STARD9: variants seen among roughly 807,000 people sequenced by gnomAD.
STARD9 encodes StAR related lipid transfer domain containing 9, also known as stAR-related lipid transfer protein 9.
Under a neutral mutation model 399.8 loss-of-function variants are expected in STARD9, and 346 were observed. That is an observed-to-expected ratio of 0.87 (90% confidence interval 0.79 to 0.95). The LOEUF is 0.95. Among genes scored for constraint, STARD9 ranks in the 40% least tolerant of loss-of-function variants. STARD9 has a pLI of 0.00. For synonymous variants in STARD9, 2,203 were observed against 2,143.5 expected (o/e 1.03, Z -0.77); for missense variants, 5,832 against 5,667.5 (o/e 1.03, Z -0.93).
At chr15:42,702,400 C>T (rs975058099) in intron 26 of STARD9, among the ~76,000 whole-genome samples, 5 of 152,020 alleles carry the variant, frequency 3.3e-5, no homozygotes, top group South Asian at 2.1e-4. Flanking sequence ...GACGGGGTTT[C>T]GCTATGTTGG....
intron 7 of STARD9, among the ~76,000 whole-genome samples, chr15:42,645,627 G>A (rs149407441): frequency 0.022 from 3,397 of 151,086 alleles, 72 homozygotes; most frequent in South Asian, 0.036. Context: ...GTGCAGTGGC[G>A]TGATCACAGC....
chr15:42,648,632 C>T (rs2059692922), intron 7 of STARD9, among the ~76,000 whole-genome samples: 1 of 152,106 alleles, frequency 6.6e-6, no homozygotes, highest in Non-Finnish European at 1.5e-5. Flanking sequence ...TGTCTTTGAA[C>T]AGTTTATTAT....
intron 32 of STARD9, 95 bp downstream of exon 32, chr15:42,719,005 TGCCCAG>T: frequency 8.5e-7 from 1 of 1,176,722 alleles, no homozygotes; most frequent in Non-Finnish European, 1.2e-6. Flanking sequence ...CACCCTCCAG[TGCCCAG>T]GCCCTTTGGC....
intron 15 of STARD9, among the ~76,000 whole-genome samples, chr15:42,667,450 T>C (rs1274199731): frequency 1.3e-5 from 2 of 151,990 alleles, no homozygotes; most frequent in Middle Eastern, 3.4e-3. Context: ...CTCAAAGTGC[T>C]GGGATTACAG....
chr15:42,676,368 T>G (rs2060312221), intron 20 of STARD9, among the ~76,000 whole-genome samples: 1 of 152,186 alleles, frequency 6.6e-6, no homozygotes, highest in Non-Finnish European at 1.5e-5. Flanking sequence ...TCATAGTATA[T>G]GTCACGTAGT....
intron 7 of STARD9, among the ~76,000 whole-genome samples, chr15:42,643,887 C>G (rs1415536579): frequency 6.6e-6 from 1 of 152,114 alleles, no homozygotes; most frequent in Non-Finnish European, 1.5e-5. Flanking sequence ...AATATGATTT[C>G]TTTTGACTCA....
At position 42,620,727 on chromosome 15, in the gene STARD9, CTTTTATTTTA is replaced by C. The variant is rs71108173; in HGVS notation, c.235-14094_235-14085del. Reference sequence around the variant, plus strand: ...AGGCCAATTATTTTGTAGAATGTCCCTTTTATTTTATTTTATTTTATTTTATTTTATTTTA... The same window carrying C: ...AGGCCAATTATTTTGTAGAATGTCCCTTTTATTTTATTTTATTTTATTTTA... On this transcript the variant is annotated intron_variant, in intron 3 of 32. Coordinates refer to ENST00000290607, the MANE Select transcript of STARD9 (RefSeq NM_020759.3). Among the ~76,000 whole-genome samples the C allele has an allele frequency of 7.1e-3, 1,013 of 142,588 alleles. 1 individual carries two copies. Among genetic ancestry groups the C allele is most frequent in the Middle Eastern group, 0.014 (4 of 284 alleles). 93.5% of individuals were successfully genotyped at this position (142,588 alleles called of 152,430 possible). A position where few individuals can be genotyped will look rare whatever the true frequency, so the allele number is the denominator to read the frequency against.
intron 1 of STARD9, among the ~76,000 whole-genome samples, chr15:42,582,116 G>T (rs921542775): frequency 1.2e-4 from 19 of 152,198 alleles, no homozygotes; most frequent in African/African-American, 4.1e-4. Flanking sequence ...CCCAGCCTGG[G>T]CAGCAGAGTG....
Position 42,691,115 on chromosome 15 carries a change from T to A in STARD9, c.9537T>A (p.Thr3179=). ...RCFLEKPQFS[T]ELRDHNRLDS... ...TTTTGGAAAAGCCACAATTTTCCACTGAGTTGAGGGATCACAATCGCTTGG... is the reference window on the plus strand; with the variant it reads ...TTTTGGAAAAGCCACAATTTTCCACAGAGTTGAGGGATCACAATCGCTTGG... The change falls in exon 23 of 33, where the codon ACT becomes ACA. Residue 3179 remains threonine, a synonymous_variant. Coordinates refer to ENST00000290607, the MANE Select transcript of STARD9 (RefSeq NM_020759.3). 6.5e-7 allele frequency: 1 copy of A among 1,537,264 alleles called. No individual in the cohort carries two copies. The highest frequency in any genetic ancestry group is 8.7e-7 in the Non-Finnish European group (1 of 1,146,914).
intron 3 of STARD9, among the ~76,000 whole-genome samples, chr15:42,631,580 CAAA>C (rs754132188): frequency 7.5e-6 from 1 of 133,514 alleles, no homozygotes. Flanking sequence ...ATTCCGTCTC[CAAA>C]AAAAAAAAAG....
intron 3 of STARD9, among the ~76,000 whole-genome samples, chr15:42,619,567 A>AAT (rs398043202): frequency 1.3e-5 from 2 of 151,070 alleles, no homozygotes; most frequent in Non-Finnish European, 3.0e-5. Context: ...AAAAAAAAAA[A>AAT]TTCTCGTAAG....
chr15:42,688,988 A>G lies in STARD9; in HGVS notation c.7410A>G (p.Val2470=). ...TTGCTTCTGAAGCCGAGGTGGCTGT[A>G]CAAAAAGAAATAAGAGTCAGTTCAC... ...EDFASEAEVA[V]QKEIRVSSLN... The change falls in exon 23 of 33, where the codon GTA becomes GTG. Residue 2470 remains valine, a synonymous_variant. Transcript: ENST00000290607. 1 of 1,537,394 alleles carries G rather than the reference A, an allele frequency of 6.5e-7. No individual in the cohort carries two copies. Among genetic ancestry groups the G allele is most frequent in the Non-Finnish European group, 8.7e-7 (1 of 1,146,940 alleles).
At position 42,694,545 on chromosome 15, in the gene STARD9, A is replaced by G. The variant is rs1478665376; in HGVS notation, c.12782A>G (p.Glu4261Gly). The change falls in exon 24 of 33, where the codon GAG (glutamate) becomes GGG (glycine). Residue 4261 changes from glutamate to glycine, a missense_variant. Glu to Gly is a moderately conservative substitution (Grantham distance 98, BLOSUM62 -2). Transcript: ENST00000290607. ...TGCCTCAGGCAAAAAAAGGCCATTGAGACCCTCAGGAGAGAGCGGGCTGAG... is the reference window on the plus strand; with the variant it reads ...TGCCTCAGGCAAAAAAAGGCCATTGGGACCCTCAGGAGAGAGCGGGCTGAG... The part of the protein sequence containing the change: ...ELYARQKKAI[E>G]TLRRERAERL... 1 of 1,537,106 alleles carries G rather than the reference A, an allele frequency of 6.5e-7. No homozygotes were observed. Among genetic ancestry groups the G allele is most frequent in the Non-Finnish European group, 8.7e-7 (1 of 1,146,916 alleles).
chr15:42,614,256 A>G (rs1023186728), intron 3 of STARD9, among the ~76,000 whole-genome samples: 2 of 151,942 alleles, frequency 1.3e-5, no homozygotes, highest in African/African-American at 4.8e-5. Flanking sequence ...GGTTGCAGTG[A>G]GCCAAGATCG....
chr15:42,613,610 A>G (rs867727962), intron 3 of STARD9, among the ~76,000 whole-genome samples: 1 of 152,206 alleles, frequency 6.6e-6, no homozygotes, highest in Non-Finnish European at 1.5e-5. Flanking sequence ...AGCACTTATA[A>G]TAGTGCTTAG....
intron 3 of STARD9, among the ~76,000 whole-genome samples, chr15:42,593,730 C>G (rs762078211): frequency 8.3e-6 from 1 of 120,144 alleles, no homozygotes; most frequent in Non-Finnish European, 1.6e-5. Context: ...GTGGTACAAT[C>G]TCGGCTCACT....
intron 3 of STARD9, among the ~76,000 whole-genome samples, chr15:42,620,084 C>T (rs551929583): frequency 5.3e-4 from 81 of 152,270 alleles, no homozygotes; most frequent in African/African-American, 1.9e-3. Flanking sequence ...TTGGGCCCAG[C>T]AGTGGTGAAT....
chr15:42,603,050 G>T (rs952656124), intron 3 of STARD9, among the ~76,000 whole-genome samples: 1 of 152,058 alleles, frequency 6.6e-6, no homozygotes, highest in Non-Finnish European at 1.5e-5. Flanking sequence ...CTGGAGTTTG[G>T]CCTCATATAT....
intron 3 of STARD9, among the ~76,000 whole-genome samples, chr15:42,609,792 A>G (rs2058811418): frequency 6.6e-6 from 1 of 152,112 alleles, no homozygotes; most frequent in African/African-American, 2.4e-5. Flanking sequence ...CTAGTTAATC[A>G]GAAATGTATT....
Sources: allele counts gnomAD v4.1 joint callset (sites outside exome capture counted in the v4.1 genomes callset), GRCh38; gene constraint gnomAD v4.1.1; transcripts MANE v1.5; gene names NCBI Gene and HGNC (gene_info 2026-07-23, HGNC 2026-07-21).